SPON1: variants seen among roughly 807,000 people sequenced by gnomAD.
SPON1 encodes the protein spondin 1.
Under a neutral mutation model 111.7 loss-of-function variants are expected in SPON1, and 52 were observed. The ratio of observed to expected loss-of-function variants is 0.47; its 90% confidence interval spans 0.37 to 0.59. The LOEUF (loss-of-function observed/expected upper bound fraction) is 0.59. Among genes scored for constraint, SPON1 ranks in the 20% least tolerant of loss-of-function variants. The pLI, the probability that SPON1 is intolerant of heterozygous loss-of-function variation, is 0.00. For missense variants in SPON1, 957 were observed against 1,068.5 expected, an observed-to-expected ratio of 0.90 and a Z score of 1.46; for synonymous variants, 410 against 395.8, an observed-to-expected ratio of 1.04 and a Z score of -0.43.
At chr11:14,013,767 C>G (rs958466058) in intron 2 of SPON1, among the ~76,000 whole-genome samples, 1 of 152,096 alleles carries the variant, frequency 6.6e-6, no homozygotes, top group African/African-American at 2.4e-5. Flanking sequence ...GGTGCCCTGT[C>G]TCCTTGACCT....
At chr11:14,235,819 A>T (rs75777600) in intron 6 of SPON1, among the ~76,000 whole-genome samples, 1 of 152,188 alleles carries the variant, frequency 6.6e-6, no homozygotes, top group African/African-American at 2.4e-5. Flanking sequence ...TGCCATGGAC[A>T]TCAAAGTCCT....
intron 5 of SPON1, among the ~76,000 whole-genome samples, chr11:14,103,878 G>A (rs1849164571): frequency 6.6e-6 from 1 of 151,906 alleles, no homozygotes; most frequent in Admixed American, 6.6e-5. Context: ...TTCTGATAAT[G>A]GGGTATTAAT....
chr11:14,135,576 A>G lies in SPON1; in HGVS notation c.825+8A>G. ...GAAGAAATTCGACAACAGGTAAGAC[A>G]AAAAAATCACAGAATGACCAAATAA... On this transcript the variant is annotated splice_region_variant and intron_variant, in intron 6 of 15. Transcript: ENST00000576479. The surrounding 1 kb of genome is among the most constrained non-coding windows in gnomAD (Gnocchi z 4.4). The G allele has an allele frequency of 6.2e-7, 1 of 1,609,760 alleles. No homozygotes were observed. Among genetic ancestry groups the G allele is most frequent in the Non-Finnish European group, 8.5e-7 (1 of 1,176,924 alleles).
chr11:14,124,183 C>A (rs937777971), intron 5 of SPON1, among the ~76,000 whole-genome samples: 1 of 152,172 alleles, frequency 6.6e-6, no homozygotes, highest in Non-Finnish European at 1.5e-5. Flanking sequence ...TATACACACA[C>A]ACTCACACAC....
intron 3 of SPON1, among the ~76,000 whole-genome samples, chr11:14,046,116 G>A (rs1362178001): frequency 3.3e-5 from 5 of 152,186 alleles, no homozygotes; most frequent in Non-Finnish European, 4.4e-5. Context: ...AATGGTGGGG[G>A]CAAAATAACA....
chr11:14,115,599 A>G (rs1849260752), intron 5 of SPON1, among the ~76,000 whole-genome samples: 1 of 152,198 alleles, frequency 6.6e-6, no homozygotes, highest in African/African-American at 2.4e-5. Context: ...TCATTTTGGT[A>G]TATGTTCTTT....
intron 2 of SPON1, among the ~76,000 whole-genome samples, chr11:13,984,052 T>C (rs1456891137): frequency 6.6e-6 from 1 of 152,214 alleles, no homozygotes; most frequent in Non-Finnish European, 1.5e-5. Context: ...TGTCCTTCTA[T>C]GGCAAAGAAC....
chr11:14,011,784 G>A (rs1029583590), intron 2 of SPON1, among the ~76,000 whole-genome samples: 11 of 152,158 alleles, frequency 7.2e-5, no homozygotes, highest in Non-Finnish European at 7.4e-5. Flanking sequence ...TGGAAGAGGA[G>A]GAGTGTTGCT....
In SPON1 at chr11:13,983,971, T is replaced by C. The variant is rs530531628; in HGVS notation, c.345+1018T>C. Among the ~76,000 whole-genome samples the C allele has an allele frequency of 1.6e-3, 240 of 152,296 alleles. 1 individual carries two copies. The highest frequency in any genetic ancestry group is 5.4e-3 in the African/African-American group (223 of 41,562). On this transcript the variant is annotated intron_variant, in intron 2 of 15. Transcript: ENST00000576479. ...GGTTGTAATTTTTAATCCTGTGATT[T>C]AAATTATTTTTCTGCTCTCTGGGAT...
intron 1 of SPON1, among the ~76,000 whole-genome samples, chr11:13,980,593 G>A (rs1554909531): frequency 6.6e-6 from 1 of 151,764 alleles, no homozygotes; most frequent in African/African-American, 2.4e-5. Flanking sequence ...TGCACAACGT[G>A]CAGGTTTGTT....
chr11:14,010,941 A>C (rs189459057), intron 2 of SPON1, among the ~76,000 whole-genome samples: 1 of 152,360 alleles, frequency 6.6e-6, no homozygotes, highest in African/African-American at 2.4e-5. Context: ...ATAAACGGCA[A>C]TATAGTAGGA....
intron 5 of SPON1, among the ~76,000 whole-genome samples, chr11:14,087,091 A>G (rs1483631712): frequency 6.8e-6 from 1 of 147,110 alleles, no homozygotes; most frequent in Non-Finnish European, 1.5e-5. Context: ...TTTTCAAAGA[A>G]CCAGCTCCTG....
chr11:14,166,247 G>A (rs1554931859), intron 6 of SPON1, among the ~76,000 whole-genome samples: 1 of 152,140 alleles, frequency 6.6e-6, no homozygotes, highest in Admixed American at 6.5e-5. Flanking sequence ...TTCTTACTGT[G>A]CTTATACAAT....
At chr11:13,995,468 GGA>G (rs1319639405) in intron 2 of SPON1, among the ~76,000 whole-genome samples, 3 of 152,046 alleles carry the variant, frequency 2.0e-5, no homozygotes, top group East Asian at 1.9e-4. Context: ...TAAGGTGGCT[GGA>G]GAGAGAGAGC....
intron 6 of SPON1, among the ~76,000 whole-genome samples, chr11:14,152,327 A>C (rs1321813778): frequency 1.3e-5 from 2 of 152,230 alleles, no homozygotes; most frequent in African/African-American, 4.8e-5. Context: ...CTCCAGTTAC[A>C]GTACTTCTTA....
chr11:14,059,160 A>G (rs566809350), intron 3 of SPON1, among the ~76,000 whole-genome samples: 5 of 152,212 alleles, frequency 3.3e-5, no homozygotes, highest in African/African-American at 1.2e-4. Flanking sequence ...GGGTCCAGGG[A>G]CACAGGCAGC....
chr11:14,151,858 C>A (rs1175210112), intron 6 of SPON1, among the ~76,000 whole-genome samples: 21 of 152,276 alleles, frequency 1.4e-4, no homozygotes, highest in Middle Eastern at 6.8e-3. Flanking sequence ...TATAACATGT[C>A]CTTTTGACAC....
intron 1 of SPON1, among the ~76,000 whole-genome samples, chr11:13,979,491 G>A (rs1356675718): frequency 1.3e-5 from 2 of 152,164 alleles, no homozygotes; most frequent in East Asian, 1.9e-4. Context: ...ATGCTCCCAG[G>A]GGAAACTAGT....
chr11:14,096,805 A>C (rs782733482), intron 5 of SPON1, among the ~76,000 whole-genome samples: 10 of 152,172 alleles, frequency 6.6e-5, no homozygotes, highest in Non-Finnish European at 1.3e-4. Flanking sequence ...CCACTTGAGT[A>C]TGCCATCTGT....
Sources: gnomAD v4.1 joint callset for allele counts (sites outside exome capture counted in the v4.1 genomes callset) on GRCh38, gnomAD v4.1.1 for gene constraint, Gnocchi (gnomAD v3.1) non-coding constraint, MANE v1.5 for transcripts, NCBI Gene and HGNC (gene_info 2026-07-23, HGNC 2026-07-21) for gene names.